HIVEP3: variants seen among roughly 807,000 people sequenced by gnomAD.
HIVEP3 encodes the protein transcription factor HIVEP3.
HIVEP3 carries 49 observed loss-of-function variants against 152.8 expected under a neutral mutation model. The observed-to-expected ratio is 0.32, with a 90% confidence interval of 0.26 to 0.41. The LOEUF is 0.41. HIVEP3 is among the 10% of genes least tolerant of loss of function. The pLI, the probability that HIVEP3 is intolerant of heterozygous loss-of-function variation, is 1.00. For missense variants in HIVEP3, 2,790 were observed against 3,103.3 expected, an observed-to-expected ratio of 0.90 and a Z score of 2.40; for synonymous variants, 1,269 against 1,289.0, an observed-to-expected ratio of 0.98 and a Z score of 0.33.
chr1:41,988,295 T>C (rs2124514672), intron 1 of HIVEP3, among the ~76,000 whole-genome samples: 1 of 152,030 alleles, frequency 6.6e-6, no homozygotes, highest in East Asian at 1.9e-4. Context: ...AATGAAAAAA[T>C]AACCTGAACA....
chr1:41,516,008 C>A (rs1257353583), intron 7 of HIVEP3, among the ~76,000 whole-genome samples: 2 of 152,188 alleles, frequency 1.3e-5, no homozygotes, highest in Non-Finnish European at 2.9e-5. Context: ...GCAGGGAGGG[C>A]TCCTAAAGAT....
chr1:41,768,870 G>A (rs1321776204), intron 1 of HIVEP3, among the ~76,000 whole-genome samples: 1 of 152,238 alleles, frequency 6.6e-6, no homozygotes, highest in Non-Finnish European at 1.5e-5. Context: ...GTATTTCAGT[G>A]CAATCTGATC....
At chr1:41,919,221 C>T (rs3795722), upstream of HIVEP3, among the ~76,000 whole-genome samples, 8,404 of 152,186 alleles carry the variant, frequency 0.055, 248 homozygotes, top group South Asian at 0.095. Flanking sequence ...CTAATTGGCA[C>T]GTTATGTAAA....
intron 1 of HIVEP3, among the ~76,000 whole-genome samples, chr1:41,732,967 G>T (rs1164132501): frequency 6.6e-6 from 1 of 152,084 alleles, no homozygotes; most frequent in African/African-American, 2.4e-5. Flanking sequence ...CCCAGCCCTG[G>T]GCCTGGTACA....
intron 1 of HIVEP3, among the ~76,000 whole-genome samples, chr1:41,748,021 C>T (rs556288109): frequency 6.6e-6 from 1 of 152,264 alleles, no homozygotes; most frequent in East Asian, 1.9e-4. Context: ...TGGAAGGATC[C>T]CCCATTCTTG....
At chr1:42,016,266 C>T (rs974052992) in intron 1 of HIVEP3, among the ~76,000 whole-genome samples, 13 of 151,986 alleles carry the variant, frequency 8.6e-5, no homozygotes, top group African/African-American at 2.9e-4. Flanking sequence ...TGTATACAAA[C>T]GAAATGCAGG....
intron 1 of HIVEP3, among the ~76,000 whole-genome samples, chr1:41,952,035 A>T (rs1408948): frequency 1.3e-5 from 2 of 152,066 alleles, no homozygotes; most frequent in African/African-American, 2.4e-5. Flanking sequence ...GGACTGGAAG[A>T]TTCTGAAGGC....
chr1:41,611,415 G>A (rs1353582613), intron 3 of HIVEP3, among the ~76,000 whole-genome samples: 1 of 152,158 alleles, frequency 6.6e-6, no homozygotes, highest in African/African-American at 2.4e-5. Flanking sequence ...GGGACAGAGC[G>A]CCATGTGCCA....
chr1:41,615,993 ACT>A (rs1245239520), intron 3 of HIVEP3, among the ~76,000 whole-genome samples: 4 of 151,264 alleles, frequency 2.6e-5, no homozygotes, highest in East Asian at 1.9e-4. Flanking sequence ...CTAAGATGAC[ACT>A]CTCTACCGCA....
At chr1:42,023,555 A>G (rs1354995935) in intron 1 of HIVEP3, among the ~76,000 whole-genome samples, 1 of 152,144 alleles carries the variant, frequency 6.6e-6, no homozygotes, top group Non-Finnish European at 1.5e-5. Context: ...TGGATCCTTC[A>G]TGAATGAATT....
At chr1:41,744,393 G>A (rs893863786) in intron 1 of HIVEP3, among the ~76,000 whole-genome samples, 4 of 152,240 alleles carry the variant, frequency 2.6e-5, no homozygotes, top group African/African-American at 9.6e-5. Context: ...CCTACTGCAT[G>A]CAGTGGAAGA....
At chr1:41,734,810 G>A (rs978923963) in intron 1 of HIVEP3, among the ~76,000 whole-genome samples, 9 of 152,212 alleles carry the variant, frequency 5.9e-5, no homozygotes, top group Non-Finnish European at 1.3e-4. Flanking sequence ...GTGGGTGGCT[G>A]CTTGATGCCA....
chr1:41,741,486 T>C (rs1646995606), intron 1 of HIVEP3, among the ~76,000 whole-genome samples: 1 of 151,274 alleles, frequency 6.6e-6, no homozygotes, highest in African/African-American at 2.4e-5. Flanking sequence ...TGCCGCTGAC[T>C]AAGCTGCCCT....
In HIVEP3 at chr1:41,510,733, G is replaced by T; in HGVS notation, c.6939C>A (p.Asp2313Glu). ...GTCCCTGGGGCGGCCGGGGCAAGGT[G>T]TCGGGTGGGGTGCAGGGGCTGTGCG... ...TPTHSPCTPP[D>E]TLPRPPQGRR... The change falls in exon 9 of 9, where the codon GAC becomes GAA. Residue 2313 changes from aspartate (D) to glutamate (E), a missense_variant. Asp to Glu is a conservative substitution (Grantham distance 45, BLOSUM62 2). Transcript: ENST00000372583. 1 of 1,556,074 alleles carries T rather than the reference G, an allele frequency of 6.4e-7. No individual in the cohort carries two copies.
intron 1 of HIVEP3, among the ~76,000 whole-genome samples, chr1:41,880,354 T>C (rs1301370693): frequency 1.3e-5 from 2 of 152,152 alleles, no homozygotes; most frequent in African/African-American, 4.8e-5. Context: ...ATCCTCTTAA[T>C]AAATGGTAGG....
chr1:41,730,901 G>T (rs1047604723), intron 1 of HIVEP3, among the ~76,000 whole-genome samples: 4 of 152,154 alleles, frequency 2.6e-5, no homozygotes, highest in Admixed American at 2.6e-4. Flanking sequence ...CTTCCTGTGG[G>T]GGGTGAATTT....
intron 1 of HIVEP3, among the ~76,000 whole-genome samples, chr1:41,864,351 G>A (rs1299186934): frequency 6.6e-6 from 1 of 152,196 alleles, no homozygotes; most frequent in Admixed American, 6.5e-5. Context: ...ATGTCTTATG[G>A]ATAAGAAAAT....
intron 1 of HIVEP3, among the ~76,000 whole-genome samples, chr1:41,715,320 G>T (rs1570380857): frequency 6.6e-6 from 1 of 152,196 alleles, no homozygotes; most frequent in Non-Finnish European, 1.5e-5. Context: ...CGGCTTGGCA[G>T]ATCTGGGCAT....
At chr1:41,783,925 C>T (rs1306474934) in intron 1 of HIVEP3, among the ~76,000 whole-genome samples, 1 of 152,190 alleles carries the variant, frequency 6.6e-6, no homozygotes, top group Non-Finnish European at 1.5e-5. Flanking sequence ...GCGGTATTAT[C>T]TATTGTCCAT....
Sources: allele counts gnomAD v4.1 joint callset (sites outside exome capture counted in the v4.1 genomes callset), GRCh38; gene constraint gnomAD v4.1.1; transcripts MANE v1.5; gene names NCBI Gene and HGNC (gene_info 2026-07-23, HGNC 2026-07-21).